Variants in NDUFA10 observed in about 807,000 individuals in gnomAD.
The protein encoded by NDUFA10 is NADH dehydrogenase [ubiquinone] 1 alpha subcomplex subunit 10, mitochondrial.
In NDUFA10, 40 loss-of-function variants were observed where a neutral mutation model predicts 47.8. The observed-to-expected ratio is 0.84, with a 90% confidence interval of 0.65 to 1.09. The LOEUF (loss-of-function observed/expected upper bound fraction) is 1.09. Ranked by LOEUF, NDUFA10 falls within the 50% of genes least tolerant of loss-of-function variation. NDUFA10 has a pLI of 0.00. For missense variants in NDUFA10, 413 were observed against 451.1 expected, an observed-to-expected ratio of 0.92 and a Z score of 0.76; for synonymous variants, 183 against 172.2, an observed-to-expected ratio of 1.06 and a Z score of -0.49.
At chr2:239,893,432 A>C (rs969555348) in intron 5 of NDUFA10, among the ~76,000 whole-genome samples, 2 of 152,214 alleles carry the variant, frequency 1.3e-5, no homozygotes, top group African/African-American at 4.8e-5. Flanking sequence ...TGCTGTAACA[A>C]AATACTACAG....
At chr2:239,942,188 G>A (rs777311076) in intron 4 of NDUFA10, among the ~76,000 whole-genome samples, 5 of 152,240 alleles carry the variant, frequency 3.3e-5, no homozygotes, top group Admixed American at 6.5e-5. Context: ...CCTCTACCAC[G>A]TTTACCTTTA....
At chr2:240,019,090 A>G (rs1179959638) in intron 3 of NDUFA10, among the ~76,000 whole-genome samples, 4 of 152,120 alleles carry the variant, frequency 2.6e-5, no homozygotes, top group Non-Finnish European at 5.9e-5. Context: ...ACTAGTCCCC[A>G]GGGTCCCCAG....
intron 7 of NDUFA10, among the ~76,000 whole-genome samples, chr2:240,006,638 A>T (rs1199100105): frequency 1.3e-5 from 2 of 152,250 alleles, no homozygotes; most frequent in Non-Finnish European, 2.9e-5. Context: ...GTTTTTTAAC[A>T]AATGGATGCT....
chr2:240,023,827 G>A (rs958460791), intron 1 of NDUFA10, among the ~76,000 whole-genome samples: 1 of 152,178 alleles, frequency 6.6e-6, no homozygotes, highest in Admixed American at 6.5e-5. Flanking sequence ...TTAAAAATGG[G>A]CAAAAGATGT....
At chr2:239,944,599 G>A (rs1339847644) in intron 4 of NDUFA10, among the ~76,000 whole-genome samples, 11 of 152,214 alleles carry the variant, frequency 7.2e-5, no homozygotes, top group Admixed American at 2.0e-4. Context: ...AACTGGCAGC[G>A]CGGATCAAGA....
rs11695099 is a variant in NDUFA10, at chr2:239,920,813, G to A, written c.295-25499C>T. On this transcript the variant is annotated intron_variant, in intron 4 of 5. Coordinates refer to the NDUFA10 transcript ENST00000419408. Reference sequence around the variant, plus strand: ...CCTGCTATTGAAAGAAAGCCTGGCAGATGCAGATGAACACAGTTCCTAGAA... The same window carrying A: ...CCTGCTATTGAAAGAAAGCCTGGCAAATGCAGATGAACACAGTTCCTAGAA... Among the ~76,000 whole-genome samples the A allele has an allele frequency of 7.9e-3, 1,210 of 152,340 alleles. 7 individuals are homozygous for A. The highest frequency in any genetic ancestry group is 0.012 in the Non-Finnish European group (839 of 68,030).
At chr2:239,931,249 G>C (rs545944054) in intron 4 of NDUFA10, among the ~76,000 whole-genome samples, 4 of 152,262 alleles carry the variant, frequency 2.6e-5, no homozygotes, top group South Asian at 4.1e-4. Flanking sequence ...AGGGCTGCAG[G>C]AAAGAAGCTG....
chr2:239,911,666 AGAGAGTGTGTGTGC>A (rs1693756601), intron 4 of NDUFA10, among the ~76,000 whole-genome samples: 1 of 86,280 alleles, frequency 1.2e-5, no homozygotes, highest in African/African-American at 4.3e-5. Context: ...CCAAAACATG[AGAGAGTGTGTGTGC>A]GTGTGTGTGT....
intron 8 of NDUFA10, among the ~76,000 whole-genome samples, chr2:240,003,048 C>G (rs1271654492): frequency 6.6e-6 from 1 of 152,158 alleles, no homozygotes; most frequent in Non-Finnish European, 1.5e-5. Flanking sequence ...TGGGGTCTCA[C>G]TATATTGCCC....
chr2:239,934,263 A>G (rs1559293820), intron 4 of NDUFA10, among the ~76,000 whole-genome samples: 2 of 152,128 alleles, frequency 1.3e-5, no homozygotes, highest in Non-Finnish European at 2.9e-5. Flanking sequence ...CCCACATGTG[A>G]TGACACCAGC....
In NDUFA10 at chr2:239,940,271, G is replaced by A. The variant is rs193131461; in HGVS notation, c.295-44957C>T. 2.9e-4 allele frequency among the ~76,000 whole-genome samples: 44 copies of A among 152,358 alleles called. 1 individual carries two copies. Among genetic ancestry groups the A allele is most frequent in the Middle Eastern group, 3.4e-3 (1 of 294 alleles). The stretch of plus-strand genomic sequence containing the variant: ...AGGTGGTGAGTGGGATGTGGCCCCC[G>A]GGCCAGTTTGCCAGCCCTGAGCTAA... On this transcript the variant is annotated intron_variant, in intron 4 of 5. Coordinates refer to the NDUFA10 transcript ENST00000419408.
rs562539497 is a variant in NDUFA10, at chr2:239,903,413, T to G, written c.295-8099A>C. Among the ~76,000 whole-genome samples the G allele has an allele frequency of 2.0e-5, 3 of 152,326 alleles. No individual in the cohort carries two copies. In the East Asian group the frequency reaches 5.8e-4, roughly 29 times the overall value. On this transcript the variant is annotated intron_variant, in intron 4 of 5. Coordinates refer to the NDUFA10 transcript ENST00000419408. ...CAGCCCAGCCAACCTGCAGTCGCGTTGGACAGAATGATCCCACAGTCCCTG... is the reference window on the plus strand; with the variant it reads ...CAGCCCAGCCAACCTGCAGTCGCGTGGGACAGAATGATCCCACAGTCCCTG...
intron 8 of NDUFA10, among the ~76,000 whole-genome samples, chr2:240,003,041 G>A (rs1696789255): frequency 6.6e-6 from 1 of 151,980 alleles, no homozygotes; most frequent in Admixed American, 6.6e-5. Context: ...GTAGAGATGG[G>A]GTCTCACTAT....
At chr2:239,980,997 C>T (rs1346956181) in intron 9 of NDUFA10, among the ~76,000 whole-genome samples, 1 of 152,210 alleles carries the variant, frequency 6.6e-6, no homozygotes, top group Non-Finnish European at 1.5e-5. Context: ...ATTTGCATTA[C>T]CTCCAGGGCC....
At chr2:240,024,816 C>A (rs377080891) in intron 1 of NDUFA10, among the ~76,000 whole-genome samples, 1 of 152,244 alleles carries the variant, frequency 6.6e-6, no homozygotes, top group South Asian at 2.1e-4. Flanking sequence ...AAGCACTGAA[C>A]TCCGTGTCTG....
chr2:239,937,052 G>T (rs967949866), intron 4 of NDUFA10, among the ~76,000 whole-genome samples: 2 of 152,160 alleles, frequency 1.3e-5, no homozygotes, highest in African/African-American at 4.8e-5. Context: ...ATGGCCACAT[G>T]CCCCCTCTTG....
At chr2:239,940,141 C>G (rs1043154122) in intron 4 of NDUFA10, among the ~76,000 whole-genome samples, 10 of 152,248 alleles carry the variant, frequency 6.6e-5, no homozygotes, top group African/African-American at 4.8e-5. Flanking sequence ...TCACATCCGG[C>G]TTTGCAGGCC....
chr2:239,990,419 T>C (rs567805258), intron 8 of NDUFA10, among the ~76,000 whole-genome samples: 3 of 152,208 alleles, frequency 2.0e-5, no homozygotes, highest in Non-Finnish European at 4.4e-5. Flanking sequence ...TTTAAAAGCC[T>C]CAGTACCTAC....
intron 4 of NDUFA10, chr2:240,018,258 G>A (rs572495088): frequency 4.3e-6 from 3 of 700,522 alleles, no homozygotes; most frequent in African/African-American, 3.6e-5. Flanking sequence ...AAGAGCGGGG[G>A]AGGTTCTAAC....
Sources: gnomAD v4.1 joint callset for allele counts (sites outside exome capture counted in the v4.1 genomes callset) on GRCh38, gnomAD v4.1.1 for gene constraint, MANE v1.5 for transcripts, NCBI Gene and HGNC (gene_info 2026-07-23, HGNC 2026-07-21) for gene names.